PCBP3: variants seen among roughly 807,000 people sequenced by gnomAD.
The protein encoded by PCBP3 is poly(rC) binding protein 3.
PCBP3 carries 25 observed loss-of-function variants against 52.7 expected under a neutral mutation model. The ratio of observed to expected loss-of-function variants is 0.47; its 90% CI spans 0.35 to 0.66. PCBP3 has a LOEUF of 0.66. Ranked by LOEUF, PCBP3 falls within the 30% of genes least tolerant of loss-of-function variation. The pLI is 0.01. For missense variants in PCBP3, 391 were observed against 490.3 expected (o/e 0.80, Z 1.91); for synonymous variants, 162 against 183.0 (o/e 0.89, Z 0.93).
intron 1 of PCBP3, among the ~76,000 whole-genome samples, chr21:45,658,407 G>A (rs554659536): frequency 6.6e-6 from 1 of 152,194 alleles, no homozygotes; most frequent in East Asian, 1.9e-4. Context: ...GGAGTCAAGC[G>A]ACTCTCCTGC....
chr21:45,756,468 A>C (rs2088056662), intron 4 of PCBP3, among the ~76,000 whole-genome samples: 1 of 152,238 alleles, frequency 6.6e-6, no homozygotes, highest in Non-Finnish European at 1.5e-5. Flanking sequence ...TTCTACAAAA[A>C]AAGACCACTG....
At chr21:45,883,154 C>T (rs2095441341) in intron 5 of PCBP3, among the ~76,000 whole-genome samples, 1 of 152,142 alleles carries the variant, frequency 6.6e-6, no homozygotes, top group African/African-American at 2.4e-5. Flanking sequence ...CTCTTTGACC[C>T]TTGGATTGTT....
intron 2 of PCBP3, among the ~76,000 whole-genome samples, chr21:45,732,293 T>A (rs1009248468): frequency 8.5e-5 from 13 of 152,066 alleles, no homozygotes; most frequent in Non-Finnish European, 1.5e-4. Context: ...TTTTAAAAAA[T>A]TAATTATATT....
At chr21:45,897,563 C>T (rs1224222404) in intron 6 of PCBP3, among the ~76,000 whole-genome samples, 1 of 152,152 alleles carries the variant, frequency 6.6e-6, no homozygotes, top group Non-Finnish European at 1.5e-5. Context: ...TCCATGACCA[C>T]GTGATTTGCT....
rs182494447 is a variant in PCBP3, at chr21:45,891,863, C to T, written c.11-4345C>T. 5.1e-3 allele frequency among the ~76,000 whole-genome samples: 777 copies of T among 152,338 alleles called. 16 individuals carry two copies. The highest frequency in any genetic ancestry group is 1.8e-3 in the Non-Finnish European group (121 of 68,030). ...CTCCTGCACAGCCCCGGGGCCTCTG[C>T]GCCCCTTTGACCTCAGCCTCCTGGG... On this transcript the variant is annotated intron_variant, in intron 5 of 17. Coordinates refer to ENST00000681687, the MANE Select transcript of PCBP3 (RefSeq NM_001384156.1).
At chr21:45,785,495 C>T (rs372463769) in intron 4 of PCBP3, among the ~76,000 whole-genome samples, 8 of 92,060 alleles carry the variant, frequency 8.7e-5, no homozygotes, top group East Asian at 4.7e-4. Context: ...TGGCCAGCCG[C>T]CCCGTCCGGG....
chr21:45,647,444 A>C (rs1055915877), intron 1 of PCBP3, among the ~76,000 whole-genome samples: 7 of 152,332 alleles, frequency 4.6e-5, no homozygotes, highest in African/African-American at 1.7e-4. Context: ...TCAGTGCTGC[A>C]GTTGGGATAC....
intron 5 of PCBP3, among the ~76,000 whole-genome samples, chr21:45,883,416 T>C (rs1426303572): frequency 6.6e-6 from 1 of 152,242 alleles, no homozygotes. Flanking sequence ...CGTTGGTTGA[T>C]GGTGTTGAGT....
chr21:45,835,602 G>T (rs1479951512), intron 4 of PCBP3, among the ~76,000 whole-genome samples: 1 of 152,250 alleles, frequency 6.6e-6, no homozygotes, highest in Non-Finnish European at 1.5e-5. Flanking sequence ...CACTCACATG[G>T]TGTGCTGGGC....
intron 5 of PCBP3, among the ~76,000 whole-genome samples, chr21:45,866,139 C>A (rs2148528565): frequency 6.6e-6 from 1 of 152,368 alleles, no homozygotes; most frequent in South Asian, 2.1e-4. Context: ...CCCTTGCCAT[C>A]ACCTGAGAAC....
intron 13 of PCBP3, chr21:45,918,557 C>T (rs78826385): frequency 7.4e-5 from 6 of 80,996 alleles, no homozygotes; most frequent in East Asian, 2.4e-4. Context: ...AAGAAGTTAC[C>T]CTCAGATAAA....
At chr21:45,901,394 G>A (rs530330135) in intron 9 of PCBP3, 27 of 385,578 alleles carry the variant, frequency 7.0e-5, no homozygotes, top group Middle Eastern at 8.0e-4. Flanking sequence ...CTGGGGCACC[G>A]AGCACGGCCT....
intron 4 of PCBP3, among the ~76,000 whole-genome samples, chr21:45,819,304 T>C (rs1458448197): frequency 2.0e-5 from 3 of 152,176 alleles, no homozygotes; most frequent in African/African-American, 4.8e-5. Flanking sequence ...AAATAAAACC[T>C]AAACAAAGCA....
rs373415192 is a variant in PCBP3 at position 45,923,570 on chromosome 21, G to A, written c.717+5941G>A. ...GACTTTGCATCTTTACAGGACCCTC[G>A]GGCGACTCACTGGCCCGTGGAGGTC... is the stretch of plus-strand genomic sequence containing the variant. On this transcript the variant is annotated intron_variant, in intron 13 of 17. Transcript: ENST00000681687. Among the ~76,000 whole-genome samples, 43 of 152,202 alleles carry A rather than the reference G, an allele frequency of 2.8e-4. 1 individual carries two copies. The highest frequency in any genetic ancestry group is 1.7e-3 in the East Asian group (9 of 5,170).
chr21:45,831,091 C>G (rs900790488), intron 4 of PCBP3: 4 of 152,998 alleles, frequency 2.6e-5, no homozygotes, highest in Admixed American at 6.5e-5. Context: ...CTCTCCTGGC[C>G]TCAAGGAAAG....
At chr21:45,823,660 A>G (rs1328052190) in intron 4 of PCBP3, among the ~76,000 whole-genome samples, 1 of 151,844 alleles carries the variant, frequency 6.6e-6, no homozygotes, top group Non-Finnish European at 1.5e-5. Flanking sequence ...TTCAGGGCCC[A>G]TGGGCCTGGG....
At chr21:45,712,133 G>A (rs1045539582) in intron 2 of PCBP3, among the ~76,000 whole-genome samples, 1 of 152,074 alleles carries the variant, frequency 6.6e-6, no homozygotes, top group African/African-American at 2.4e-5. Context: ...ACCTTGATTT[G>A]TTTATCCATT....
intron 4 of PCBP3, among the ~76,000 whole-genome samples, chr21:45,845,013 C>T (rs138765692): frequency 6.6e-6 from 1 of 152,160 alleles, no homozygotes; most frequent in Admixed American, 6.5e-5. Context: ...GACTTTTTTA[C>T]TGGGTACCCC....
intron 2 of PCBP3, among the ~76,000 whole-genome samples, chr21:45,701,940 A>G (rs1011358769): frequency 6.6e-6 from 1 of 152,212 alleles, no homozygotes; most frequent in Non-Finnish European, 1.5e-5. Flanking sequence ...GAACTCTTTA[A>G]TGTCAGAATT....
Sources: gnomAD v4.1 joint callset for allele counts (sites outside exome capture counted in the v4.1 genomes callset) on GRCh38, gnomAD v4.1.1 for gene constraint, MANE v1.5 for transcripts, NCBI Gene and HGNC (gene_info 2026-07-23, HGNC 2026-07-21) for gene names.